KCNN3: variants seen among roughly 807,000 people sequenced by gnomAD.
The protein encoded by KCNN3 is potassium calcium-activated channel subfamily N member 3, also known as small conductance calcium-activated potassium channel protein 3.
In KCNN3, 16 loss-of-function variants were observed where a neutral mutation model predicts 62.9. The ratio of observed to expected loss-of-function variants is 0.25; its 90% confidence interval spans 0.17 to 0.39. The LOEUF (loss-of-function observed/expected upper bound fraction) is 0.39. Among genes scored for constraint, KCNN3 ranks in the 10% least tolerant of loss-of-function variants. The pLI, the probability that KCNN3 is intolerant of heterozygous loss-of-function variation, is 1.00. For synonymous variants in KCNN3, 370 were observed against 389.2 expected, an observed-to-expected ratio of 0.95 and a Z score of 0.58; for missense variants, 599 against 949.4, an observed-to-expected ratio of 0.63 and a Z score of 4.85.
intron 2 of KCNN3, among the ~76,000 whole-genome samples, chr1:154,775,838 G>T (rs1432835793): frequency 1.3e-5 from 2 of 152,192 alleles, no homozygotes; most frequent in African/African-American, 2.4e-5. Context: ...CGCCCGACAG[G>T]CCAAGCCATG....
At chr1:154,854,989 G>A (rs1029811068) in intron 1 of KCNN3, among the ~76,000 whole-genome samples, 2 of 152,104 alleles carry the variant, frequency 1.3e-5, no homozygotes, top group East Asian at 3.9e-4. Flanking sequence ...AGGCCAAGGC[G>A]GGTGGATCAC....
At chr1:154,708,965 C>T (rs1400730866) in intron 7 of KCNN3, among the ~76,000 whole-genome samples, 1 of 152,094 alleles carries the variant, frequency 6.6e-6, no homozygotes, top group Non-Finnish European at 1.5e-5. Flanking sequence ...CCTGAAGGGC[C>T]ACTCTGAAGG....
At chr1:154,833,150 C>T (rs576645796) in intron 1 of KCNN3, among the ~76,000 whole-genome samples, 3 of 152,304 alleles carry the variant, frequency 2.0e-5, no homozygotes, top group South Asian at 4.1e-4. Context: ...CCAGCTGAAC[C>T]TTCCAACTTC....
At chr1:154,797,725 G>A (rs752354339) in intron 2 of KCNN3, among the ~76,000 whole-genome samples, 2 of 152,204 alleles carry the variant, frequency 1.3e-5, no homozygotes, top group African/African-American at 4.8e-5. Context: ...TGAATTGAAT[G>A]AGAAACACAA....
In KCNN3 at chr1:154,762,555, A is replaced by G. The variant is rs577766588; in HGVS notation, c.1448+9420T>C. On this transcript the variant is annotated intron_variant, in intron 3 of 7. Transcript: ENST00000271915. Reference sequence around the variant, plus strand: ...TCTAAGACTGCTTTGTATAATAGGGATATTTACCTCTTGTCATGTTTGCTG... The same window carrying G: ...TCTAAGACTGCTTTGTATAATAGGGGTATTTACCTCTTGTCATGTTTGCTG... Among the ~76,000 whole-genome samples, 74 of 152,204 alleles carry G rather than the reference A, an allele frequency of 4.9e-4. 1 individual carries two copies. In the South Asian group the frequency reaches 6.6e-3, roughly 14 times the overall value.
intron 1 of KCNN3, among the ~76,000 whole-genome samples, chr1:154,832,391 C>G (rs1160794017): frequency 6.6e-6 from 1 of 152,016 alleles, no homozygotes; most frequent in Non-Finnish European, 1.5e-5. Flanking sequence ...GTATAGCATA[C>G]TGAAGGTTCC....
chr1:154,754,595 C>T (rs1020921080), intron 3 of KCNN3, among the ~76,000 whole-genome samples: 1 of 152,198 alleles, frequency 6.6e-6, no homozygotes, highest in South Asian at 2.1e-4. Flanking sequence ...TTGTCCATTT[C>T]TCTTTCCTGA....
At chr1:154,797,119 C>T (rs1190922257) in intron 2 of KCNN3, among the ~76,000 whole-genome samples, 3 of 152,232 alleles carry the variant, frequency 2.0e-5, no homozygotes, top group Admixed American at 6.5e-5. Flanking sequence ...TCTAGAATAT[C>T]CACCTCGTCC....
chr1:154,704,963 T>A lies in KCNN3; in HGVS notation c.*3013A>T, dbSNP rs569771623. 7.2e-5 allele frequency: 11 copies of A among 152,138 alleles called. No homozygotes were observed. The highest frequency in any genetic ancestry group is 2.0e-4 in the Admixed American group (3 of 15,270). The allele number at this position is 152,138 out of a possible 1,614,324, so 9.4% of individuals were successfully genotyped here. A position where few individuals can be genotyped will look rare whatever the true frequency, so the allele number is the denominator to read the frequency against. ...CTAATTTTTGTATTTTTAGTAGAGATGGGGTTTTGCCATGTTGGCCAGGCT... is the reference window on the plus strand; with the variant it reads ...CTAATTTTTGTATTTTTAGTAGAGAAGGGGTTTTGCCATGTTGGCCAGGCT... On this transcript the variant is annotated 3_prime_UTR_variant, in exon 8 of 8. Coordinates refer to ENST00000271915, the MANE Select transcript of KCNN3 (RefSeq NM_002249.6).
At chr1:154,709,395 A>T (rs1700028396) in intron 7 of KCNN3, among the ~76,000 whole-genome samples, 1 of 152,074 alleles carries the variant, frequency 6.6e-6, no homozygotes, top group Non-Finnish European at 1.5e-5. Context: ...GTTTCTGATG[A>T]TCTGCCAGTG....
At chr1:154,831,378 G>T (rs74414495) in intron 1 of KCNN3, among the ~76,000 whole-genome samples, 4,099 of 152,274 alleles carry the variant, frequency 0.027, 82 homozygotes, top group Middle Eastern at 0.041. Flanking sequence ...AGCACCAATA[G>T]CCCGGGTCCT....
Position 154,869,818 on chromosome 1 carries a change from T to C in KCNN3, c.147A>G (p.Ala49=). ...AGGGTCCCAGGGGCTGCTGGGGGGC[T>C]GCTGGTGGCGCTGGCGGTGGTGGCT... ...QQQPPPPAPP[A]APQQPLGPSL... The change falls in exon 1 of 8, where the codon GCA becomes GCG. Residue 49 remains alanine (A), a synonymous_variant. Transcript: ENST00000271915. The surrounding 1 kb of genome is among the most constrained non-coding windows in gnomAD (Gnocchi z 6.1). The C allele has an allele frequency of 6.4e-7, 1 of 1,560,044 alleles. No homozygotes were observed. The highest frequency in any genetic ancestry group is 1.4e-5 in the African/African-American group (1 of 72,638).
At chr1:154,739,933 G>C (rs150551210) in intron 3 of KCNN3, among the ~76,000 whole-genome samples, 11 of 152,354 alleles carry the variant, frequency 7.2e-5, no homozygotes, top group African/African-American at 2.6e-4. Flanking sequence ...AATCTCATGA[G>C]AGAACTTGAG....
intron 2 of KCNN3, among the ~76,000 whole-genome samples, chr1:154,819,339 T>A (rs190763431): frequency 6.6e-6 from 1 of 152,286 alleles, no homozygotes; most frequent in East Asian, 1.9e-4. Context: ...GGAAAAGAGT[T>A]ACCTTGAACT....
intron 3 of KCNN3, among the ~76,000 whole-genome samples, chr1:154,766,870 C>T (rs962968870): frequency 1.6e-4 from 24 of 151,650 alleles, no homozygotes; most frequent in Non-Finnish European, 2.1e-4. Flanking sequence ...TTAGTAGAGA[C>T]GGGGGTTTCA....
Position 154,870,139 on chromosome 1 carries a change from A to T in KCNN3, c.-175T>A. On this transcript the variant is annotated 5_prime_UTR_variant, in exon 1 of 8. Coordinates refer to ENST00000271915, the MANE Select transcript of KCNN3 (RefSeq NM_002249.6). The stretch of plus-strand genomic sequence containing the variant: ...GGCTGCCTGGAGTCCAGACGCTGCC[A>T]CTCAAGAATGCATTGTATTGGGCAG... The T allele has an allele frequency of 3.9e-6, 3 of 764,184 alleles. No individual in the cohort carries two copies. The highest frequency in any genetic ancestry group is 7.0e-6 in the Non-Finnish European group (3 of 430,250). The allele number at this position is 764,184 out of a possible 1,614,324, so 47.3% of individuals were successfully genotyped here.
At chr1:154,756,220 A>G (rs1647696291) in intron 3 of KCNN3, among the ~76,000 whole-genome samples, 1 of 148,902 alleles carries the variant, frequency 6.7e-6, no homozygotes, top group Non-Finnish European at 1.5e-5. Context: ...GGGGAGGTAG[A>G]GGAGGAGGAA....
At chr1:154,714,494 A>G (rs199787387) in intron 6 of KCNN3, among the ~76,000 whole-genome samples, 8 of 2,052 alleles carry the variant, frequency 3.9e-3, no homozygotes, top group African/African-American at 6.5e-3. Flanking sequence ...GGTTTGTGTG[A>G]GGTGTGTGTG....
chr1:154,760,634 G>T (rs569839914), intron 3 of KCNN3, among the ~76,000 whole-genome samples: 2 of 152,158 alleles, frequency 1.3e-5, no homozygotes, highest in Non-Finnish European at 2.9e-5. Context: ...CCCGGGCCCC[G>T]GCCTCTCCAC....
Sources: gnomAD v4.1 joint callset for allele counts (sites outside exome capture counted in the v4.1 genomes callset) on GRCh38, gnomAD v4.1.1 for gene constraint, Gnocchi (gnomAD v3.1) non-coding constraint, MANE v1.5 for transcripts, NCBI Gene and HGNC (gene_info 2026-07-23, HGNC 2026-07-21) for gene names.